The following ZNF454 variants were observed in gnomAD, a reference collection of about 807,000 sequenced individuals.
ZNF454 encodes zinc finger protein 454.
Under a neutral mutation model 48.2 loss-of-function variants are expected in ZNF454, and 30 were observed. That is an observed-to-expected ratio of 0.62 (90% confidence interval 0.47 to 0.84). ZNF454 has a LOEUF of 0.84. Ranked by LOEUF, ZNF454 falls within the 40% of genes least tolerant of loss-of-function variation. The pLI, the probability that ZNF454 is intolerant of heterozygous loss-of-function variation, is 0.00. For synonymous variants in ZNF454, 204 were observed against 211.4 expected (o/e 0.97, Z 0.30); for missense variants, 510 against 623.1 (o/e 0.82, Z 1.93).
the ZNF454 span, among the ~76,000 whole-genome samples, chr5:178,987,899 ATAGG>A: frequency 7.2e-6 from 1 of 139,258 alleles, no homozygotes; most frequent in South Asian, 2.7e-4. Context: ...AGCTGGGATT[ATAGG>A]CACCCGTCGC....
rs187062373 is a variant in ZNF454, at chr5:178,944,560, T to G, written c.33+1736T>G. On this transcript the variant is annotated intron_variant, in intron 2 of 4. Coordinates refer to ENST00000519564, the MANE Select transcript of ZNF454 (RefSeq NM_001178089.3). The surrounding 1 kb of genome is among the most constrained non-coding windows in gnomAD (Gnocchi z 4.1). ...CCAAGTGTTTCTTGACTGCCTGTCA[T>G]GGGCCAAGTCTCTGGGTGCAGGTAA... Among the ~76,000 whole-genome samples the G allele has an allele frequency of 1.3e-4, 20 of 152,328 alleles. No homozygotes were observed. The East Asian group carries it at 3.9e-3, about 29-fold the overall frequency.
the ZNF454 span, chr5:178,983,297 C>T: frequency 1.5e-3 from 1,882 of 1,293,124 alleles, 21 homozygotes; most frequent in African/African-American, 0.023. Context: ...GAGGCCCCTG[C>T]GGGTCAGGAT....
chr5:178,959,525 G>T (rs1018482987), intron 4 of ZNF454, among the ~76,000 whole-genome samples: 10 of 152,190 alleles, frequency 6.6e-5, no homozygotes, highest in African/African-American at 2.4e-4. Flanking sequence ...CTGGAATTTT[G>T]ATAAGAATTG....
chr5:178,943,307 G>A (rs964054044), intron 2 of ZNF454, among the ~76,000 whole-genome samples: 2 of 152,176 alleles, frequency 1.3e-5, no homozygotes, highest in Non-Finnish European at 2.9e-5. Flanking sequence ...GGGAGCAGGT[G>A]TATCACACGG....
At chr5:178,956,867 G>A (rs772749503) in intron 4 of ZNF454, 22 of 363,830 alleles carry the variant, frequency 6.0e-5, no homozygotes, top group South Asian at 2.0e-4. Context: ...CACCATGCCC[G>A]GCTAATTTTT....
chr5:178,946,279 C>T lies in ZNF454; in HGVS notation c.34-80C>T. 1 of 1,578,718 alleles carries T rather than the reference C, an allele frequency of 6.3e-7. No individual in the cohort carries two copies. The highest frequency in any genetic ancestry group is 1.2e-5 in the South Asian group (1 of 84,770). On this transcript the variant is annotated intron_variant, in intron 2 of 4. Coordinates refer to ENST00000519564, the MANE Select transcript of ZNF454 (RefSeq NM_001178089.3). The surrounding 1 kb of genome is among the most constrained non-coding windows in gnomAD (Gnocchi z 4.5). The stretch of plus-strand genomic sequence containing the variant: ...CAGTCCTGTAAATGCGCACAAGCTC[C>T]TAGGGGCTGCCAGTCTCTTTTCCAG...
chr5:178,966,012 T>C lies in ZNF454; in HGVS notation c.*39T>C, dbSNP rs535762658. On this transcript the variant is annotated 3_prime_UTR_variant, in exon 5 of 5. Coordinates refer to ENST00000519564, the MANE Select transcript of ZNF454 (RefSeq NM_001178089.3). ...TGTATGGAAGACCTTTGAGACTGAGTAGATGAATTATTGAATGTGAGATAA... is the reference window on the plus strand; with the variant it reads ...TGTATGGAAGACCTTTGAGACTGAGCAGATGAATTATTGAATGTGAGATAA... 1.1e-5 allele frequency: 16 copies of C among 1,420,944 alleles called. No individual in the cohort carries two copies. In the South Asian group the frequency reaches 1.7e-4, roughly 15 times the overall value. The allele number at this position is 1,420,944 out of a possible 1,614,324, so 88.0% of individuals were successfully genotyped here.
At position 178,965,996 on chromosome 5, in the gene ZNF454, G is replaced by A. The variant is rs941203322; in HGVS notation, c.*23G>A. 2.0e-6 allele frequency: 3 copies of A among 1,489,998 alleles called. No individual in the cohort carries two copies. The African/African-American group carries it at 4.2e-5, about 21-fold the overall frequency. The allele number at this position is 1,489,998 out of a possible 1,614,324, so 92.3% of individuals were successfully genotyped here. ...TGATATGAATGCAGTTTGTATGGAA[G>A]ACCTTTGAGACTGAGTAGATGAATT... On this transcript the variant is annotated 3_prime_UTR_variant, in exon 5 of 5. Coordinates refer to ENST00000519564, the MANE Select transcript of ZNF454 (RefSeq NM_001178089.3). This position sits in a 1 kb window ranked among gnomAD's most constrained non-coding sequence, Gnocchi z 5.2.
the ZNF454 span, among the ~76,000 whole-genome samples, chr5:178,984,309 G>T: frequency 6.6e-6 from 1 of 151,920 alleles, no homozygotes; most frequent in Admixed American, 6.6e-5. Context: ...ACTCGGAACG[G>T]ACTCCTGCAA....
At chr5:178,989,213 C>T in the ZNF454 span, 1 of 1,186,714 alleles carries the variant, frequency 8.4e-7, no homozygotes, top group African/African-American at 1.6e-5. Flanking sequence ...CCCTCCCCAC[C>T]CTCACCACCC....
chr5:178,956,671 TTTAATTTATTTATTTATTTATTTA>T (rs1192569786), intron 4 of ZNF454, among the ~76,000 whole-genome samples: 16 of 121,018 alleles, frequency 1.3e-4, no homozygotes, highest in African/African-American at 4.2e-4. Context: ...TTTTATTTTA[TTTAATTTATTTATTTATTTATTTA>T]TTTATTTATT....
chr5:178,964,260 A>C (rs145860197), intron 4 of ZNF454, among the ~76,000 whole-genome samples: 3,897 of 151,582 alleles, frequency 0.026, 90 homozygotes, highest in South Asian at 0.075. Context: ...AGCTGGGACT[A>C]CAGGCTCCCA....
chr5:178,984,528 G>T, the ZNF454 span, among the ~76,000 whole-genome samples: 2 of 152,192 alleles, frequency 1.3e-5, no homozygotes, highest in Admixed American at 1.3e-4. Context: ...GGAAAAGAGG[G>T]TACAGTGTGG....
At chr5:178,983,925 G>A in the ZNF454 span, among the ~76,000 whole-genome samples, 1 of 152,196 alleles carries the variant, frequency 6.6e-6, no homozygotes, top group African/African-American at 2.4e-5. Context: ...CCTGATTGGG[G>A]GCAGGGGTGG....
chr5:178,942,977 C>T (rs1759170662), intron 2 of ZNF454, among the ~76,000 whole-genome samples, 153 bp downstream of exon 2: 1 of 152,150 alleles, frequency 6.6e-6, no homozygotes, highest in African/African-American at 2.4e-5. Context: ...CAACCCCGCC[C>T]CATATCCGGC....
chr5:178,962,057 A>T (rs1179674020), intron 4 of ZNF454, among the ~76,000 whole-genome samples: 1 of 151,090 alleles, frequency 6.6e-6, no homozygotes, highest in Admixed American at 6.6e-5. Flanking sequence ...GTTTCTTTTA[A>T]TGTAGATCTG....
downstream of ZNF454, among the ~76,000 whole-genome samples, chr5:178,971,423 G>A (rs1215190174): frequency 6.6e-6 from 1 of 152,144 alleles, no homozygotes; most frequent in African/African-American, 2.4e-5. Flanking sequence ...GGTGCCTGGT[G>A]CTCGGCCCTG....
intron 4 of ZNF454, among the ~76,000 whole-genome samples, chr5:178,957,738 C>T (rs1364846003): frequency 1.3e-5 from 2 of 152,126 alleles, no homozygotes; most frequent in African/African-American, 4.8e-5. Flanking sequence ...CCAGAGTGCT[C>T]TTTTGTACTG....
At chr5:178,985,358 C>G in the ZNF454 span, 1 of 416,676 alleles carries the variant, frequency 2.4e-6, no homozygotes, top group East Asian at 7.7e-5. Flanking sequence ...GCGGCCCTAA[C>G]TGAGCTGCTG....
Sources: gnomAD v4.1 joint callset for allele counts (sites outside exome capture counted in the v4.1 genomes callset) on GRCh38, gnomAD v4.1.1 for gene constraint, Gnocchi (gnomAD v3.1) non-coding constraint, MANE v1.5 for transcripts, NCBI Gene and HGNC (gene_info 2026-07-23, HGNC 2026-07-21) for gene names.